BRCA1: variants seen among roughly 807,000 people sequenced by gnomAD.
The protein encoded by BRCA1 is breast cancer type 1 susceptibility protein.
Under a neutral mutation model 173.7 loss-of-function variants are expected in BRCA1, and 140 were observed. The observed-to-expected ratio is 0.81, with a 90% confidence interval of 0.70 to 0.93. The LOEUF (loss-of-function observed/expected upper bound fraction) is 0.93. BRCA1 is among the 40% of genes least tolerant of loss of function. The pLI is 0.00. For missense variants in BRCA1, 1,983 were observed against 2,172.5 expected (o/e 0.91, Z 1.73); for synonymous variants, 662 against 756.0 (o/e 0.88, Z 2.04).
chr17:43,064,346 AAACAGTATTGTTGAAAACCT>A, intron 16 of BRCA1, among the ~76,000 whole-genome samples: 1 of 152,342 alleles, frequency 6.6e-6, no homozygotes, highest in Non-Finnish European at 1.5e-5. Context: ...TGAAAGAAGA[AAACAGTATTGTTGAAAACCT>A]AAATCTGAAA....
intron 1 of BRCA1, among the ~76,000 whole-genome samples, chr17:43,158,441 C>T (rs2056211656): frequency 6.6e-6 from 1 of 152,126 alleles, no homozygotes; most frequent in African/African-American, 2.4e-5. Flanking sequence ...AATCTTGTAT[C>T]TCTCTGAAAA....
intron 11 of BRCA1, among the ~76,000 whole-genome samples, chr17:43,088,741 C>T (rs1029402523): frequency 3.3e-5 from 5 of 152,152 alleles, no homozygotes; most frequent in African/African-American, 1.2e-4. Flanking sequence ...TCGAGGGGGT[C>T]TGAACAGCTT....
chr17:43,076,366 A>G (rs912331624), intron 13 of BRCA1, 122 bp downstream of exon 13: 2 of 1,194,398 alleles, frequency 1.7e-6, no homozygotes, highest in Admixed American at 1.8e-5. Flanking sequence ...TAGAGCAATA[A>G]AAGTGTATAA....
intron 1 of BRCA1, chr17:43,145,333 T>TTTC: frequency 5.9e-6 from 2 of 337,894 alleles, no homozygotes; most frequent in South Asian, 2.4e-5. Flanking sequence ...TTCTTTCTTT[T>TTTC]TTTTTTTTTT....
rs905812561 is a variant in BRCA1, at chr17:43,115,754, A to T, written c.106T>A (p.Ser36Thr). The change falls in exon 3 of 23, where the codon TCC (serine) becomes ACC (threonine). Residue 36 changes from serine to threonine, a missense_variant. By Grantham distance (58) the Ser-to-Thr change is moderately conservative (BLOSUM62 1). Coordinates refer to ENST00000357654, the MANE Select transcript of BRCA1 (RefSeq NM_007294.4). ...ICLELIKEPV[S>T]TKCDHIFCKF... ...CAAAATATGTGGTCACACTTTGTGGAGACAGGTTCCTTGATCAACTCCAGA... is the reference window on the plus strand; with the variant it reads ...CAAAATATGTGGTCACACTTTGTGGTGACAGGTTCCTTGATCAACTCCAGA... 6.2e-7 allele frequency: 1 copy of T among 1,613,784 alleles called. No individual in the cohort carries two copies. The highest frequency in any genetic ancestry group is 8.5e-7 in the Non-Finnish European group (1 of 1,179,840).
intron 11 of BRCA1, among the ~76,000 whole-genome samples, chr17:43,087,158 A>G (rs2053259928): frequency 6.6e-6 from 1 of 152,228 alleles, no homozygotes; most frequent in African/African-American, 2.4e-5. Flanking sequence ...ATCAAACACC[A>G]AAATCCTAGT....
chr17:43,071,073 G>A lies in BRCA1; in HGVS notation c.4841C>T (p.Pro1614Leu), dbSNP rs766305255. The change falls in exon 15 of 23, where the codon CCA becomes CTA. Residue 1614 changes from proline (P) to leucine (L), a missense_variant. Coordinates refer to ENST00000357654, the MANE Select transcript of BRCA1 (RefSeq NM_007294.4). ...AGTATCAGTAGTATGAGCAGCAGCT[G>A]GACTCTGGGCAGATTCTGCAACTTT... ...QLKVAESAQSPAAAHTTDTAG... is the reference protein window; with the variant it reads ...QLKVAESAQSLAAAHTTDTAG... 5.0e-6 allele frequency: 8 copies of A among 1,614,146 alleles called. No individual in the cohort carries two copies. The highest frequency in any genetic ancestry group is 4.2e-6 in the Non-Finnish European group (5 of 1,180,022).
intron 18 of BRCA1, among the ~76,000 whole-genome samples, chr17:43,057,942 T>C (rs1567765291): frequency 7.4e-6 from 1 of 135,972 alleles, no homozygotes; most frequent in Non-Finnish European, 1.5e-5. Flanking sequence ...ATTGCTGGAA[T>C]CCAGGAGGCA....
chr17:43,146,382 T>C (rs1357139204), intron 1 of BRCA1, among the ~76,000 whole-genome samples: 1 of 149,100 alleles, frequency 6.7e-6, no homozygotes, highest in African/African-American at 2.5e-5. Context: ...AATCTTGGCT[T>C]ACTGCAAGCT....
rs1555586287 is a variant in BRCA1, at chr17:43,091,040, A to G, written c.4097-8T>C. ...ACCCAGATGCTGCTTCACCTTAAATAACAAAAACAGAGGTTCAGATGTAAA... is the reference window on the plus strand; with the variant it reads ...ACCCAGATGCTGCTTCACCTTAAATGACAAAAACAGAGGTTCAGATGTAAA... On this transcript the variant is annotated splice_region_variant and splice_polypyrimidine_tract_variant and intron_variant, in intron 10 of 22. Coordinates refer to ENST00000357654, the MANE Select transcript of BRCA1 (RefSeq NM_007294.4). 2 of 1,609,928 alleles carry G rather than the reference A, an allele frequency of 1.2e-6. No homozygotes were observed. The highest frequency in any genetic ancestry group is 3.3e-4 in the Middle Eastern group (2 of 6,058).
At chr17:43,100,607 A>AC (rs1369182141) in intron 6 of BRCA1, among the ~76,000 whole-genome samples, 30 of 87,008 alleles carry the variant, frequency 3.4e-4, no homozygotes, top group South Asian at 4.1e-4. Flanking sequence ...ATATATATAT[A>AC]ACATATATAT....
chr17:43,139,100 CT>C (rs2056053576), intron 1 of BRCA1, among the ~76,000 whole-genome samples: 1 of 151,926 alleles, frequency 6.6e-6, no homozygotes, highest in African/African-American at 2.4e-5. Context: ...TACATTTGGT[CT>C]CTGCCCCCGG....
intron 16 of BRCA1, 188 bp downstream of exon 16, chr17:43,067,420 A>T: frequency 2.1e-6 from 1 of 485,426 alleles, no homozygotes; most frequent in South Asian, 2.0e-5. Flanking sequence ...ACACCCAGCT[A>T]ATTTTTTTAT....
In BRCA1 at chr17:43,099,778, A is replaced by G; in HGVS notation, c.544T>C (p.Leu182=). 1 of 1,604,192 alleles carries G rather than the reference A, an allele frequency of 6.2e-7. No homozygotes were observed. Among genetic ancestry groups the G allele is most frequent in the Non-Finnish European group, 8.5e-7 (1 of 1,171,096 alleles). ...TTAAAAAACCTGAGACCCTTACCCA[A>G]TTCAATGTAGACAGACGTCTTTTGA... ...QPQKTSVYIE[L]GSDSSEDTVN... is the part of the protein sequence containing the mutation. Residue 182 remains leucine (L), a synonymous_variant, in exon 7 of 23, where the codon TTG becomes CTG. Coordinates refer to ENST00000357654, the MANE Select transcript of BRCA1 (RefSeq NM_007294.4).
Position 43,138,079 on chromosome 17 carries a change from A to G in BRCA1, c.-19-13964T>C, listed in dbSNP as rs574178242. The G allele has an allele frequency of 7.6e-5, 12 of 158,918 alleles. No homozygotes were observed. In the East Asian group the frequency reaches 2.3e-3, roughly 30 times the overall value. 9.8% of individuals were successfully genotyped at this position (158,918 alleles called of 1,614,324 possible). ...GTGCATGCCTGTAATTCCAGCTACT[A>G]GGGAGGCTGAGGCAGAATTGCCTGA... On this transcript the variant is annotated intron_variant, in intron 1 of 7. Transcript: ENST00000634433.
At chr17:43,143,084 GTATA>G (rs1350290215) in intron 1 of BRCA1, among the ~76,000 whole-genome samples, 128 of 149,562 alleles carry the variant, frequency 8.6e-4, no homozygotes, top group African/African-American at 2.9e-3. Flanking sequence ...ATGTGTGTGT[GTATA>G]TTTATTTATT....
intron 18 of BRCA1, among the ~76,000 whole-genome samples, chr17:43,058,378 A>T (rs1329949046): frequency 6.6e-6 from 1 of 151,840 alleles, no homozygotes; most frequent in Non-Finnish European, 1.5e-5. Context: ...TGCTAAAAAA[A>T]AACACACACA....
At chr17:43,110,702 C>T (rs1413386435) in intron 3 of BRCA1, 5 of 274,942 alleles carry the variant, frequency 1.8e-5, no homozygotes, top group Admixed American at 7.7e-5. Context: ...AGGCTGGGTG[C>T]GGTGGCTCAT....
At position 43,076,585 on chromosome 17, in the gene BRCA1, A is replaced by G. The variant is rs1163509151; in HGVS notation, c.4387T>C (p.Tyr1463His). The change falls in exon 13 of 23, where the codon TAC becomes CAC. Residue 1463 changes from tyrosine to histidine, a missense_variant. Coordinates refer to ENST00000357654, the MANE Select transcript of BRCA1 (RefSeq NM_007294.4). The part of the protein sequence containing the change: ...AVLTSQKSSE[Y>H]PISQNPEGLS... ...CCTTCTGGATTCTGGCTTATAGGGT[A>G]TTCACTACTTTTCTGTGAAGTTAAT... The G allele has an allele frequency of 6.2e-7, 1 of 1,613,646 alleles. No individual in the cohort carries two copies. Among genetic ancestry groups the G allele is most frequent in the East Asian group, 2.2e-5 (1 of 44,828 alleles).
Sources: allele counts gnomAD v4.1 joint callset (sites outside exome capture counted in the v4.1 genomes callset), GRCh38; gene constraint gnomAD v4.1.1; transcripts MANE v1.5; gene names NCBI Gene and HGNC (gene_info 2026-07-23, HGNC 2026-07-21).